CPNE5: variants seen among roughly 807,000 people sequenced by gnomAD.
CPNE5 encodes copine-5.
CPNE5 carries 42 observed loss-of-function variants against 81.1 expected under a neutral mutation model. The observed-to-expected ratio is 0.52, with a 90% CI of 0.40 to 0.67. CPNE5 has a LOEUF of 0.67. Among genes scored for constraint, CPNE5 ranks in the 30% least tolerant of loss-of-function variants. The pLI is 0.00. For missense variants in CPNE5, 612 were observed against 815.5 expected (o/e 0.75, Z 3.04); for synonymous variants, 313 against 321.5 (o/e 0.97, Z 0.28).
intron 9 of CPNE5, among the ~76,000 whole-genome samples, chr6:36,776,688 T>C (rs1767537894): frequency 6.6e-6 from 1 of 152,168 alleles, no homozygotes; most frequent in African/African-American, 2.4e-5. Flanking sequence ...CTGGAACCAC[T>C]GACTTCTCCC....
At chr6:36,820,046 C>T (rs776867088) in intron 3 of CPNE5, among the ~76,000 whole-genome samples, 1 of 152,232 alleles carries the variant, frequency 6.6e-6, no homozygotes. Context: ...CAACATTCCT[C>T]CCTCGACCCC....
intron 1 of CPNE5, among the ~76,000 whole-genome samples, chr6:36,831,630 C>T (rs1396515280): frequency 2.0e-5 from 2 of 99,852 alleles, no homozygotes; most frequent in African/African-American, 8.8e-5. Flanking sequence ...CAGAGTGAGA[C>T]ACCATCTCAA....
intron 13 of CPNE5, among the ~76,000 whole-genome samples, chr6:36,753,643 C>T (rs1180759117): frequency 6.6e-6 from 1 of 152,230 alleles, no homozygotes; most frequent in African/African-American, 2.4e-5. Flanking sequence ...CCCTCTCAGA[C>T]CCAAGATCCT....
At chr6:36,826,150 G>T (rs188025534) in intron 1 of CPNE5, among the ~76,000 whole-genome samples, 1 of 152,154 alleles carries the variant, frequency 6.6e-6, no homozygotes, top group Non-Finnish European at 1.5e-5. Flanking sequence ...GTGTGTTTGC[G>T]TGTGTGCATG....
At chr6:36,784,641 C>T (rs1768355959) in intron 8 of CPNE5, among the ~76,000 whole-genome samples, 1 of 152,176 alleles carries the variant, frequency 6.6e-6, no homozygotes, top group Non-Finnish European at 1.5e-5. Context: ...TCTCTGAGCA[C>T]ATGAAATGCC....
Position 36,742,420 on chromosome 6 carries a change from G to C in CPNE5, c.1630C>G (p.Arg544Gly). ...TCAGGGATCTCTGCCAGCACGTCTC[G>C]GGCCAGGCGGGCCATGCTCAGCACG... ...NHVLSMARLA[R>G]DVLAEIPDQL... Residue 544 changes from arginine to glycine, a missense_variant, in exon 21 of 21, where the codon CGA becomes GGA. By Grantham distance (125) the Arg-to-Gly change is moderately radical (BLOSUM62 -2). Coordinates refer to ENST00000244751, the MANE Select transcript of CPNE5 (RefSeq NM_020939.2). 2 of 1,613,602 alleles carry C rather than the reference G, an allele frequency of 1.2e-6. No homozygotes were observed. The highest frequency in any genetic ancestry group is 1.7e-6 in the Non-Finnish European group (2 of 1,180,002).
chr6:36,818,599 C>T (rs1771765709), intron 3 of CPNE5, among the ~76,000 whole-genome samples: 1 of 152,162 alleles, frequency 6.6e-6, no homozygotes, highest in South Asian at 2.1e-4. Context: ...TCACCCTCAC[C>T]GCAGGCCTAT....
At chr6:36,794,278 C>G (rs1266430368) in intron 7 of CPNE5, among the ~76,000 whole-genome samples, 5 of 151,900 alleles carry the variant, frequency 3.3e-5, no homozygotes, top group Non-Finnish European at 7.4e-5. Flanking sequence ...CAGAGAGTGC[C>G]CAGCCCCGCT....
rs199800433 is a variant in CPNE5 at position 36,766,283 on chromosome 6, C to T, written c.738-907G>A. ...CATCCCATCATCTCGCCCATCTCCTCGGGCCTGCCAGGAGTCAGCCTTGGG... is the reference window on the plus strand; with the variant it reads ...CATCCCATCATCTCGCCCATCTCCTTGGGCCTGCCAGGAGTCAGCCTTGGG... On this transcript the variant is annotated intron_variant, in intron 10 of 20. Coordinates refer to ENST00000244751, the MANE Select transcript of CPNE5 (RefSeq NM_020939.2). This position sits in a 1 kb window ranked among gnomAD's most constrained non-coding sequence, Gnocchi z 4.2. Among the ~76,000 whole-genome samples the T allele has an allele frequency of 5.9e-5, 9 of 152,292 alleles. No homozygotes were observed. The East Asian group carries it at 1.4e-3, about 23-fold the overall frequency.
At chr6:36,776,528 T>C (rs1767520451) in intron 9 of CPNE5, among the ~76,000 whole-genome samples, 2 of 151,822 alleles carry the variant, frequency 1.3e-5, no homozygotes, top group Admixed American at 1.3e-4. Flanking sequence ...GGGGCAGTGG[T>C]GGGAGGGGAG....
chr6:36,777,798 ACAC>A (rs1333736085), intron 9 of CPNE5, among the ~76,000 whole-genome samples: 17 of 98,056 alleles, frequency 1.7e-4, no homozygotes, highest in African/African-American at 6.2e-4. Flanking sequence ...ACACACACAC[ACAC>A]AATTTCAAGG....
In CPNE5 at chr6:36,746,468, G is replaced by A. The variant is rs546654218; in HGVS notation, c.1128C>T (p.Asp376=). 1 of 1,613,672 alleles carries A rather than the reference G, an allele frequency of 6.2e-7. No individual in the cohort carries two copies. The highest frequency in any genetic ancestry group is 1.1e-5 in the South Asian group (1 of 91,050). Residue 376 remains aspartate (D), a synonymous_variant, in exon 16 of 21, where the codon GAC becomes GAT. Coordinates refer to ENST00000244751, the MANE Select transcript of CPNE5 (RefSeq NM_020939.2). This position sits in a 1 kb window ranked among gnomAD's most constrained non-coding sequence, Gnocchi z 4.5. Reference sequence around the variant, plus strand: ...CGAAGCCCAGGGCAGGGAACATCTTGTCACTGTCGTAGTGCTGGATGATCT... The same window carrying A: ...CGAAGCCCAGGGCAGGGAACATCTTATCACTGTCGTAGTGCTGGATGATCT... ...VGEIIQHYDS[D]KMFPALGFGA...
rs142785489 is a variant in CPNE5 at position 36,801,916 on chromosome 6, A to G, written c.184-1846T>C. 4.1e-3 allele frequency among the ~76,000 whole-genome samples: 629 copies of G among 152,268 alleles called. 4 individuals are homozygous for G. The highest frequency in any genetic ancestry group is 6.7e-3 in the Non-Finnish European group (459 of 68,018). ...TACATTTGTAACTCTACTGAACTGTACACTTAAAAATGGTTATGATGCGGC... is the reference window on the plus strand; with the variant it reads ...TACATTTGTAACTCTACTGAACTGTGCACTTAAAAATGGTTATGATGCGGC... On this transcript the variant is annotated intron_variant, in intron 3 of 20. Coordinates refer to ENST00000244751, the MANE Select transcript of CPNE5 (RefSeq NM_020939.2).
intron 6 of CPNE5, among the ~76,000 whole-genome samples, chr6:36,795,847 G>A (rs1406960195): frequency 6.6e-6 from 1 of 152,128 alleles, no homozygotes; most frequent in African/African-American, 2.4e-5. Flanking sequence ...CTGTTCACAG[G>A]GTTTAGTCAG....
chr6:36,803,146 C>G (rs1371936562), intron 3 of CPNE5, among the ~76,000 whole-genome samples: 1 of 152,142 alleles, frequency 6.6e-6, no homozygotes, highest in Non-Finnish European at 1.5e-5. Flanking sequence ...CTTGGTGAGT[C>G]AATCTCATGT....
intron 1 of CPNE5, among the ~76,000 whole-genome samples, chr6:36,826,023 C>T (rs1772470895): frequency 6.6e-6 from 1 of 152,182 alleles, no homozygotes; most frequent in Non-Finnish European, 1.5e-5. Flanking sequence ...GGAAGGACAA[C>T]GCTTAACTCC....
chr6:36,783,938 CTG>C (rs1210263254), intron 8 of CPNE5, among the ~76,000 whole-genome samples: 2 of 152,224 alleles, frequency 1.3e-5, no homozygotes, highest in African/African-American at 4.8e-5. Context: ...AGATTAATAA[CTG>C]AGATTCCAAA....
At chr6:36,779,801 T>C (rs1213640257) in intron 8 of CPNE5, among the ~76,000 whole-genome samples, 3 of 152,174 alleles carry the variant, frequency 2.0e-5, no homozygotes, top group African/African-American at 7.2e-5. Context: ...TGGGCAGAGA[T>C]GTCCCTGTTG....
chr6:36,787,120 G>A (rs16889134), intron 8 of CPNE5, among the ~76,000 whole-genome samples: 3,347 of 152,114 alleles, frequency 0.022, 138 homozygotes, highest in African/African-American at 0.077. Context: ...GCATACTTCC[G>A]AGTCTCAGAG....
Sources: allele counts gnomAD v4.1 joint callset (sites outside exome capture counted in the v4.1 genomes callset), GRCh38; gene constraint gnomAD v4.1.1; non-coding constraint Gnocchi (gnomAD v3.1); transcripts MANE v1.5; gene names NCBI Gene and HGNC (gene_info 2026-07-23, HGNC 2026-07-21).